Variants in METTL2A observed in about 807,000 individuals in gnomAD.
METTL2A encodes the protein tRNA N(3)-cytidine methyltransferase METTL2A.
Under a neutral mutation model 49.4 loss-of-function variants are expected in METTL2A, and 45 were observed. That is an observed-to-expected ratio of 0.91 (90% CI 0.72 to 1.17). METTL2A has a LOEUF of 1.17. METTL2A is among the 50% of genes most tolerant of loss of function. The probability of loss-of-function intolerance (pLI) is 0.00; values close to 1 mark genes in which losing one functional copy is unlikely to be tolerated. For missense variants in METTL2A, 361 were observed against 462.2 expected (o/e 0.78, Z 2.01); for synonymous variants, 118 against 167.5 (o/e 0.70, Z 2.28).
intron 4 of METTL2A, 93 bp downstream of exon 4, chr17:62,427,930 G>A (rs2070639134): frequency 7.9e-7 from 1 of 1,260,088 alleles, no homozygotes; most frequent in Admixed American, 2.5e-5. Context: ...CAGCACTTTG[G>A]GAGGCCAAAG....
chr17:62,440,823 A>T (rs571901524), intron 6 of METTL2A, 67 bp downstream of exon 6: 103 of 1,558,860 alleles, frequency 6.6e-5, no homozygotes, highest in African/African-American at 1.4e-4. Flanking sequence ...CTTTTTTTTT[A>T]AAATAGGTTC....
rs565205404 is a variant in METTL2A, at chr17:62,443,864, G to T, written c.810-973G>T. Among the ~76,000 whole-genome samples the T allele has an allele frequency of 1.5e-4, 23 of 151,758 alleles. 1 individual carries two copies. The East Asian group carries it at 1.5e-3, about 10-fold the overall frequency. ...GCCTTGGCCGTTTTTTTGTTTTTTG[G>T]TTTTTTTTAAGAGGGAAACATTCAT... is the stretch of plus-strand genomic sequence containing the variant. On this transcript the variant is annotated intron_variant, in intron 6 of 8. Transcript: ENST00000311506.
chr17:62,424,364 G>A, intron 2 of METTL2A, 54 bp downstream of exon 2: 1 of 1,608,580 alleles, frequency 6.2e-7, no homozygotes, highest in South Asian at 1.1e-5. Flanking sequence ...TGCCGAACGC[G>A]CCCTCCCGGA....
intron 5 of METTL2A, among the ~76,000 whole-genome samples, chr17:62,437,594 G>A (rs1426112877): frequency 6.6e-6 from 1 of 152,142 alleles, no homozygotes; most frequent in Non-Finnish European, 1.5e-5. Flanking sequence ...GATAAATACA[G>A]CAGCCCTGTT....
intron 5 of METTL2A, among the ~76,000 whole-genome samples, chr17:62,438,645 A>G (rs913328610): frequency 1.6e-4 from 25 of 151,570 alleles, no homozygotes; most frequent in African/African-American, 5.6e-4. Flanking sequence ...AGGAATTGGT[A>G]GTGCCATGCT....
chr17:62,435,769 C>T (rs1449551950), intron 5 of METTL2A, among the ~76,000 whole-genome samples: 4 of 152,176 alleles, frequency 2.6e-5, no homozygotes, highest in Non-Finnish European at 5.9e-5. Flanking sequence ...CTCCTCAGGT[C>T]TCCTTGTTCT....
intron 6 of METTL2A, 52 bp downstream of exon 6, chr17:62,440,808 G>C: frequency 6.3e-7 from 1 of 1,584,882 alleles, no homozygotes; most frequent in Non-Finnish European, 8.6e-7. Flanking sequence ...GCTTTGGTGA[G>C]GGACCTTTTT....
chr17:62,441,962 G>A (rs1018424956), intron 6 of METTL2A, among the ~76,000 whole-genome samples: 1 of 151,878 alleles, frequency 6.6e-6, no homozygotes, highest in African/African-American at 2.4e-5. Flanking sequence ...TGGCCAGGCT[G>A]GTCTCAAACT....
rs34417908 is a variant in METTL2A, at chr17:62,450,247, C to CTTTTT, written c.*1543_*1547dup. The CTTTTT allele has an allele frequency of 1.6e-3, 129 of 80,526 alleles. 29 individuals are homozygous for CTTTTT. The highest frequency in any genetic ancestry group is 6.6e-3 in the African/African-American group (106 of 15,980). The allele number at this position is 80,526 out of a possible 1,614,324, so 5.0% of individuals were successfully genotyped here. On this transcript the variant is annotated 3_prime_UTR_variant, in exon 9 of 9. Transcript: ENST00000311506. ...TGTGATCATTATCAGTGTTAGATGC[C>CTTTTT]TTTTTTTTTTTTTTTTTTTTTTTTT...
intron 7 of METTL2A, 142 bp downstream of exon 7, chr17:62,445,085 T>C (rs886704336): frequency 9.6e-6 from 9 of 940,912 alleles, no homozygotes; most frequent in Admixed American, 2.4e-5. Context: ...TAAGTGGGAG[T>C]TGAACAATGA....
At chr17:62,427,705 T>C in intron 3 of METTL2A, 83 bp from the exon 4 acceptor site, 1 of 1,601,492 alleles carries the variant, frequency 6.2e-7, no homozygotes, top group Middle Eastern at 1.7e-4. Flanking sequence ...AGATTCTTGT[T>C]GATTATTATT....
chr17:62,450,486 C>T lies in METTL2A; in HGVS notation c.*1757C>T, dbSNP rs542844347. 2 of 151,854 alleles carry T rather than the reference C, an allele frequency of 1.3e-5. No homozygotes were observed. Among genetic ancestry groups the T allele is most frequent in the South Asian group, 2.1e-4 (1 of 4,806 alleles). 9.4% of individuals were successfully genotyped at this position (151,854 alleles called of 1,614,324 possible). ...TTTTCAGTTATTTTTACATATTTCT[C>T]TCTTGATCCATGCAGTTATAGGATA... is the stretch of plus-strand genomic sequence containing the variant. On this transcript the variant is annotated 3_prime_UTR_variant, in exon 9 of 9. Coordinates refer to ENST00000311506, the MANE Select transcript of METTL2A (RefSeq NM_181725.4).
At position 62,426,479 on chromosome 17, in the gene METTL2A, A is replaced by G. The variant is rs1262477951; in HGVS notation, c.383A>G (p.Asn128Ser). 1.2e-6 allele frequency: 2 copies of G among 1,613,916 alleles called. No individual in the cohort carries two copies. The highest frequency in any genetic ancestry group is 1.7e-6 in the Non-Finnish European group (2 of 1,180,000). Residue 128 changes from asparagine (N) to serine (S), a missense_variant, in exon 3 of 9, where the codon AAC becomes AGC. This residue lies in a region of METTL2A where 150 missense variants were observed against 170.1 expected (regional missense o/e 0.88). Coordinates refer to ENST00000311506, the MANE Select transcript of METTL2A (RefSeq NM_181725.4). ...ENKSEVPECR[N>S]NEDGPGLIME... Reference sequence around the variant, plus strand: ...AAGAGTGAAGTACCTGAATGTAGAAACAATGAGGATGGACCTGGTTTAATA... The same window carrying G: ...AAGAGTGAAGTACCTGAATGTAGAAGCAATGAGGATGGACCTGGTTTAATA...
At chr17:62,428,995 A>G (rs2070646723) in intron 4 of METTL2A, among the ~76,000 whole-genome samples, 1 of 152,188 alleles carries the variant, frequency 6.6e-6, no homozygotes, top group African/African-American at 2.4e-5. Flanking sequence ...TTTGTTGCCC[A>G]GACTGGTCTC....
rs77458956 is a variant in METTL2A at position 62,444,805 on chromosome 17, C to G, written c.810-32C>G. 2,924 of 1,610,632 alleles carry G rather than the reference C, an allele frequency of 1.8e-3. 45 individuals carry two copies. The African/African-American group carries it at 0.035, about 19-fold the overall frequency. ...AAGAGAACCCCGTCTTTAAGGAGAC[C>G]TGATTGACCGTCATTCCCTGCTGCT... On this transcript the variant is annotated intron_variant, in intron 6 of 8. Coordinates refer to ENST00000311506, the MANE Select transcript of METTL2A (RefSeq NM_181725.4).
chr17:62,438,973 A>ATTTTTTTTT (rs1167283450), intron 5 of METTL2A, among the ~76,000 whole-genome samples: 2 of 93,562 alleles, frequency 2.1e-5, no homozygotes, highest in African/African-American at 4.5e-5. Context: ...CACTTGGCTA[A>ATTTTTTTTT]TTTTTTTTTT....
intron 4 of METTL2A, among the ~76,000 whole-genome samples, chr17:62,434,446 A>G (rs2070687083): frequency 6.6e-6 from 1 of 152,186 alleles, no homozygotes; most frequent in African/African-American, 2.4e-5. Context: ...AATGAGCCCA[A>G]CAGTGCAGAA....
At chr17:62,438,606 A>C (rs2070717383) in intron 5 of METTL2A, among the ~76,000 whole-genome samples, 1 of 151,750 alleles carries the variant, frequency 6.6e-6, no homozygotes, top group Admixed American at 6.6e-5. Flanking sequence ...AGTCTGTCAC[A>C]ATTATGTACA....
Position 62,451,209 on chromosome 17 carries a change from C to A in METTL2A, c.*2480C>A, listed in dbSNP as rs1163035861. ...TTGCCCAGGCTGGAGTACAATGGCA[C>A]AATTTCAGCTCACCGCAACCTCTGC... On this transcript the variant is annotated 3_prime_UTR_variant, in exon 9 of 9. Transcript: ENST00000311506. Among the ~76,000 whole-genome samples the A allele has an allele frequency of 4.8e-5, 7 of 146,456 alleles. No individual in the cohort carries two copies. Among genetic ancestry groups the A allele is most frequent in the Non-Finnish European group, 1.5e-5 (1 of 67,078 alleles).
Sources: gnomAD v4.1 joint callset for allele counts (sites outside exome capture counted in the v4.1 genomes callset) on GRCh38, gnomAD v4.1.1 for gene constraint, gnomAD v4.1.1 regional missense constraint, MANE v1.5 for transcripts, NCBI Gene and HGNC (gene_info 2026-07-23, HGNC 2026-07-21) for gene names.